The following PRKD1 variants were observed in gnomAD, a reference collection of about 807,000 sequenced individuals.
PRKD1 encodes protein kinase D1.
A neutral mutation model predicts 95.9 loss-of-function variants in PRKD1; 63 were observed. The observed-to-expected ratio is 0.66, with a 90% confidence interval of 0.54 to 0.81. The LOEUF (loss-of-function observed/expected upper bound fraction) is 0.81. PRKD1 is among the 30% of genes least tolerant of loss of function. The probability of loss-of-function intolerance (pLI) is 0.00; values close to 1 mark genes in which losing one functional copy is unlikely to be tolerated. For synonymous variants in PRKD1, 425 were observed against 423.1 expected (o/e 1.00, Z -0.05); for missense variants, 1,048 against 1,165.3 (o/e 0.90, Z 1.47).
At chr14:29,853,690 C>T (rs1301175649) in intron 1 of PRKD1, among the ~76,000 whole-genome samples, 4 of 152,174 alleles carry the variant, frequency 2.6e-5, no homozygotes, top group Non-Finnish European at 5.9e-5. Flanking sequence ...ACATCATGAA[C>T]TGCATTGATA....
Position 29,819,868 on chromosome 14 carries a change from G to T in PRKD1, c.265-94194C>A, listed in dbSNP as rs139951669. ...GATGAAAAGTAAAAACAACAACAAT[G>T]AAACACTATTGACCTGAACCAACAG... On this transcript the variant is annotated intron_variant, in intron 1 of 17. Coordinates refer to ENST00000331968, the MANE Select transcript of PRKD1 (RefSeq NM_002742.3). Among the ~76,000 whole-genome samples the T allele has an allele frequency of 4.1e-4, 62 of 152,172 alleles. 2 individuals are homozygous for T. In the East Asian group the frequency reaches 0.012, roughly 29 times the overall value.
At chr14:29,828,366 T>C (rs138861116) in intron 1 of PRKD1, among the ~76,000 whole-genome samples, 1 of 151,782 alleles carries the variant, frequency 6.6e-6, no homozygotes, top group Non-Finnish European at 1.5e-5. Context: ...AACAGCCAGA[T>C]CTCCTAGAGT....
intron 13 of PRKD1, among the ~76,000 whole-genome samples, chr14:29,614,112 A>G (rs2139057263): frequency 1.3e-5 from 2 of 152,350 alleles, no homozygotes; most frequent in Middle Eastern, 6.8e-3. Flanking sequence ...TCTAAAAGGA[A>G]GGCATGGATG....
chr14:29,615,104 T>A (rs1878765356), intron 13 of PRKD1, among the ~76,000 whole-genome samples: 1 of 152,138 alleles, frequency 6.6e-6, no homozygotes, highest in Non-Finnish European at 1.5e-5. Context: ...AATATAATTC[T>A]GTAGGGAAAG....
chr14:29,832,646 TGAG>T (rs1486588272), intron 1 of PRKD1, among the ~76,000 whole-genome samples: 1 of 152,138 alleles, frequency 6.6e-6, no homozygotes, highest in Non-Finnish European at 1.5e-5. Flanking sequence ...CAGAGAAAAC[TGAG>T]GAGAACACGA....
intron 1 of PRKD1, among the ~76,000 whole-genome samples, chr14:29,801,708 G>A (rs1890036874): frequency 6.6e-6 from 1 of 151,410 alleles, no homozygotes; most frequent in Non-Finnish European, 1.5e-5. Context: ...TTTTTTTTTA[G>A]ATGGAGTTTC....
chr14:29,714,975 G>C lies in PRKD1; in HGVS notation c.403+10561C>G, dbSNP rs553329867. ...GGCCCGTTGGGGGATGGAGGGCTAG[G>C]GGAGGGATAACATTAGGAGAAATAC... On this transcript the variant is annotated intron_variant, in intron 2 of 17. Coordinates refer to ENST00000331968, the MANE Select transcript of PRKD1 (RefSeq NM_002742.3). Among the ~76,000 whole-genome samples, 224 of 152,186 alleles carry C rather than the reference G, an allele frequency of 1.5e-3. 1 individual carries two copies. The highest frequency in any genetic ancestry group is 4.8e-3 in the African/African-American group (200 of 41,528).
At chr14:29,862,179 G>A (rs563519136) in intron 1 of PRKD1, among the ~76,000 whole-genome samples, 1 of 152,250 alleles carries the variant, frequency 6.6e-6, no homozygotes, top group South Asian at 2.1e-4. Flanking sequence ...ATGACCACCA[G>A]TTCCACCCAT....
At chr14:29,610,582 G>A (rs1878395412) in intron 13 of PRKD1, among the ~76,000 whole-genome samples, 1 of 152,086 alleles carries the variant, frequency 6.6e-6, no homozygotes, top group South Asian at 2.1e-4. Context: ...AATATAAAAT[G>A]GTACAGCAAC....
intron 1 of PRKD1, among the ~76,000 whole-genome samples, chr14:29,838,726 G>A (rs1891709977): frequency 6.6e-6 from 1 of 152,066 alleles, no homozygotes; most frequent in Non-Finnish European, 1.5e-5. Flanking sequence ...ATAATTCATG[G>A]AAAATGCATA....
chr14:29,839,963 A>G (rs1208848470), intron 1 of PRKD1, among the ~76,000 whole-genome samples: 2 of 152,100 alleles, frequency 1.3e-5, no homozygotes, highest in Non-Finnish European at 2.9e-5. Flanking sequence ...GGCTGCCATG[A>G]AGACCTCTGA....
At chr14:29,591,465 T>A (rs896147319) in intron 16 of PRKD1, among the ~76,000 whole-genome samples, 4 of 151,944 alleles carry the variant, frequency 2.6e-5, no homozygotes, top group African/African-American at 9.7e-5. Flanking sequence ...AGAGCAGCGG[T>A]TTTGAAAGGG....
chr14:29,899,581 C>T (rs143828234), intron 1 of PRKD1, among the ~76,000 whole-genome samples: 4 of 152,166 alleles, frequency 2.6e-5, no homozygotes, highest in South Asian at 2.1e-4. Context: ...CAGGAGGTGG[C>T]GGTTGCAGTG....
intron 1 of PRKD1, among the ~76,000 whole-genome samples, chr14:29,850,316 C>T (rs1175851257): frequency 1.3e-5 from 2 of 152,008 alleles, no homozygotes; most frequent in Admixed American, 1.3e-4. Context: ...CTAAAGATCC[C>T]ATCAAAAGGC....
rs181671566 is a variant in PRKD1 at position 29,817,197 on chromosome 14, C to A, written c.265-91523G>T. ...TGTTCTTCACAAGAACTACAGTGGGCTTCTGCCAAATCAAAATGAGGGCAT... is the reference window on the plus strand; with the variant it reads ...TGTTCTTCACAAGAACTACAGTGGGATTCTGCCAAATCAAAATGAGGGCAT... On this transcript the variant is annotated intron_variant, in intron 1 of 17. Transcript: ENST00000331968. Among the ~76,000 whole-genome samples the A allele has an allele frequency of 1.3e-3, 199 of 152,230 alleles. 1 individual carries two copies. The highest frequency in any genetic ancestry group is 4.6e-3 in the African/African-American group (191 of 41,548).
At position 29,869,926 on chromosome 14, in the gene PRKD1, C is replaced by T. The variant is rs568565910; in HGVS notation, c.264+57323G>A. 2.7e-4 allele frequency among the ~76,000 whole-genome samples: 41 copies of T among 152,222 alleles called. 1 individual carries two copies. The South Asian group carries it at 8.1e-3, about 30-fold the overall frequency. On this transcript the variant is annotated intron_variant, in intron 1 of 17. Transcript: ENST00000331968. Reference sequence around the variant, plus strand: ...GTGACTGGCGAGAGGTGGGTATCTTCTTCTCAAAAAAGGAAGATCACCATC... The same window carrying T: ...GTGACTGGCGAGAGGTGGGTATCTTTTTCTCAAAAAAGGAAGATCACCATC...
chr14:29,825,957 C>A (rs1179395467), intron 1 of PRKD1, among the ~76,000 whole-genome samples: 1 of 151,620 alleles, frequency 6.6e-6, no homozygotes, highest in Non-Finnish European at 1.5e-5. Flanking sequence ...TATGCTAGGT[C>A]TTCATAGACA....
At chr14:29,661,474 C>G (rs1340291305) in intron 4 of PRKD1, among the ~76,000 whole-genome samples, 2 of 152,112 alleles carry the variant, frequency 1.3e-5, no homozygotes, top group African/African-American at 4.8e-5. Flanking sequence ...AGGCATGGTA[C>G]TCCCCGTGTG....
At chr14:29,766,096 C>T (rs959746356) in intron 1 of PRKD1, among the ~76,000 whole-genome samples, 5 of 151,902 alleles carry the variant, frequency 3.3e-5, no homozygotes, top group Admixed American at 2.0e-4. Context: ...AGAAGAGCAA[C>T]GACGAAGAGA....
Sources: gnomAD v4.1 joint callset for allele counts (sites outside exome capture counted in the v4.1 genomes callset) on GRCh38, gnomAD v4.1.1 for gene constraint, MANE v1.5 for transcripts, NCBI Gene and HGNC (gene_info 2026-07-23, HGNC 2026-07-21) for gene names.